SEMA5B: variants seen among roughly 807,000 people sequenced by gnomAD.
The protein encoded by SEMA5B is semaphorin 5B.
A neutral mutation model predicts 135.0 loss-of-function variants in SEMA5B; 66 were observed. That is an observed-to-expected ratio of 0.49 (90% CI 0.40 to 0.60). The LOEUF (loss-of-function observed/expected upper bound fraction) is 0.60, where lower values mean the gene tolerates loss of function less well. Ranked by LOEUF, SEMA5B falls within the 20% of genes least tolerant of loss-of-function variation. SEMA5B has a pLI of 0.00. For synonymous variants in SEMA5B, 690 were observed against 639.5 expected, an observed-to-expected ratio of 1.08 and a Z score of -1.19; for missense variants, 1,501 against 1,566.3, an observed-to-expected ratio of 0.96 and a Z score of 0.70.
At chr3:122,962,015 G>T (rs1317540264) in intron 1 of SEMA5B, among the ~76,000 whole-genome samples, 6 of 152,136 alleles carry the variant, frequency 3.9e-5, no homozygotes, top group Non-Finnish European at 8.8e-5. Context: ...CCACAGCTGG[G>T]CAAGGTTCTC....
intron 2 of SEMA5B, among the ~76,000 whole-genome samples, chr3:122,950,554 G>A (rs1940002797): frequency 6.6e-6 from 1 of 152,202 alleles, no homozygotes; most frequent in Non-Finnish European, 1.5e-5. Context: ...ACAATAATTT[G>A]ACAGAGTAAT....
At chr3:122,972,226 G>C (rs1406123654) in intron 1 of SEMA5B, among the ~76,000 whole-genome samples, 4 of 152,194 alleles carry the variant, frequency 2.6e-5, no homozygotes, top group African/African-American at 9.7e-5. Flanking sequence ...TCTAACACTG[G>C]TCTCCCCTGC....
intron 1 of SEMA5B, chr3:122,976,204 A>T: frequency 6.7e-7 from 1 of 1,485,156 alleles, no homozygotes; most frequent in African/African-American, 1.4e-5. Context: ...ATGTGCTCCT[A>T]GGACCAGCAG....
chr3:122,953,924 G>C (rs955276278), intron 2 of SEMA5B, among the ~76,000 whole-genome samples: 5 of 152,190 alleles, frequency 3.3e-5, no homozygotes, highest in South Asian at 4.1e-4. Context: ...TACCAGGATG[G>C]TCATGTGATC....
intron 8 of SEMA5B, among the ~76,000 whole-genome samples, chr3:122,927,165 A>T (rs569503145): frequency 6.6e-6 from 1 of 152,304 alleles, no homozygotes; most frequent in Non-Finnish European, 1.5e-5. Flanking sequence ...TAGGAAACTC[A>T]TATGGCCCTT....
At chr3:122,921,704 T>G (rs1195200636) in intron 12 of SEMA5B, among the ~76,000 whole-genome samples, 1 of 152,222 alleles carries the variant, frequency 6.6e-6, no homozygotes, top group African/African-American at 2.4e-5. Flanking sequence ...TGATAAGTGC[T>G]TTATGGAGAT....
Position 122,927,991 on chromosome 3 carries a change from T to C in SEMA5B, c.649A>G (p.Ser217Gly), listed in dbSNP as rs759578951. 2.7e-6 allele frequency: 4 copies of C among 1,475,868 alleles called. 1 individual carries two copies. The South Asian group carries it at 5.8e-5, about 22-fold the overall frequency. 91.4% of individuals were successfully genotyped at this position (1,475,868 alleles called of 1,614,324 possible). Residue 217 changes from serine to glycine, a missense_variant, in exon 8 of 23, where the codon AGC (serine) becomes GGC (glycine). Transcript: ENST00000357599. The part of the protein sequence containing the change: ...MCTSRQVGNL[S>G]RTIEKINGVA... ...CCATTGATCTTCTCAATAGTCCGGC[T>C]GAGGTTCCCCACCTGGGGACAATGG...
intron 1 of SEMA5B, among the ~76,000 whole-genome samples, chr3:122,984,117 T>C (rs1941621857): frequency 6.6e-6 from 1 of 152,248 alleles, no homozygotes; most frequent in Non-Finnish European, 1.5e-5. Context: ...CCCATAATTC[T>C]CCGAGTAACC....
At position 122,912,941 on chromosome 3, in the gene SEMA5B, C is replaced by T. The variant is rs1381194511; in HGVS notation, c.2627G>A (p.Arg876His). ...CTCCGGGTTAGTGCACGTTCTCTTG[C>T]GGACGCGGAAGCCCAGCTCGCAGTC... ...SRDCELGFRVRKRTCTNPEPR... is the reference protein window; with the variant it reads ...SRDCELGFRVHKRTCTNPEPR... Residue 876 changes from arginine (R) to histidine (H), a missense_variant, in exon 18 of 23, where the codon CGC (arginine) becomes CAC (histidine). By Grantham distance (29) the Arg-to-His change is conservative (BLOSUM62 0). This residue lies in a region of SEMA5B where 927 missense variants were observed against 881.6 expected (regional missense o/e 1.05). Coordinates refer to ENST00000357599, the MANE Select transcript of SEMA5B (RefSeq NM_001031702.4). 1.1e-5 allele frequency: 17 copies of T among 1,612,692 alleles called. No homozygotes were observed. Among genetic ancestry groups the T allele is most frequent in the Non-Finnish European group, 1.3e-5 (15 of 1,179,434 alleles).
At chr3:122,923,519 G>A in intron 10 of SEMA5B, 98 bp downstream of exon 10, 1 of 1,373,490 alleles carries the variant, frequency 7.3e-7, no homozygotes, top group Admixed American at 1.9e-5. Flanking sequence ...GACGGGTCTG[G>A]TGTCTGTCTG....
chr3:122,922,875 G>GCAAACCA (rs1553770981), intron 10 of SEMA5B, among the ~76,000 whole-genome samples: 1 of 151,922 alleles, frequency 6.6e-6, no homozygotes, highest in African/African-American at 2.4e-5. Context: ...AAAGCTGGAA[G>GCAAACCA]CCTTCTGAGC....
intron 1 of SEMA5B, among the ~76,000 whole-genome samples, chr3:123,018,486 G>A (rs942659743): frequency 6.6e-6 from 1 of 152,200 alleles, no homozygotes; most frequent in African/African-American, 2.4e-5. Flanking sequence ...CCTCCACGAA[G>A]CACACTTGAG....
chr3:122,979,613 G>A (rs1413719286), intron 1 of SEMA5B, among the ~76,000 whole-genome samples: 1 of 152,138 alleles, frequency 6.6e-6, no homozygotes, highest in Non-Finnish European at 1.5e-5. Flanking sequence ...ATTCACAATT[G>A]GGATGTCCCC....
intron 4 of SEMA5B, 134 bp from the exon 5 acceptor site, chr3:122,939,604 C>T (rs1303625620): frequency 3.0e-6 from 2 of 665,450 alleles, no homozygotes; most frequent in African/African-American, 3.6e-5. Context: ...CTAAGGAGAG[C>T]TTTACCTCCA....
At chr3:122,945,968 G>T (rs1474679913) in intron 3 of SEMA5B, among the ~76,000 whole-genome samples, 1 of 152,074 alleles carries the variant, frequency 6.6e-6, no homozygotes, top group Non-Finnish European at 1.5e-5. Flanking sequence ...TCCTAGGGGG[G>T]CCTTGGGAAG....
chr3:123,002,148 T>C (rs1345047630), intron 1 of SEMA5B, among the ~76,000 whole-genome samples: 1 of 152,082 alleles, frequency 6.6e-6, no homozygotes, highest in Non-Finnish European at 1.5e-5. Context: ...TGAAACCCAT[T>C]GGATCATGGG....
At chr3:122,942,282 T>C (rs1939594823) in intron 4 of SEMA5B, among the ~76,000 whole-genome samples, 1 of 152,110 alleles carries the variant, frequency 6.6e-6, no homozygotes, top group Non-Finnish European at 1.5e-5. Context: ...ACCCAGCTCA[T>C]CCACACCTAA....
At chr3:122,917,952 T>C (rs546589923) in intron 12 of SEMA5B, among the ~76,000 whole-genome samples, 6 of 152,124 alleles carry the variant, frequency 3.9e-5, no homozygotes, top group African/African-American at 2.4e-5. Context: ...CTCTGCTTAC[T>C]GGCTGACATT....
At chr3:122,952,335 C>T (rs1158750174) in intron 2 of SEMA5B, among the ~76,000 whole-genome samples, 1 of 152,154 alleles carries the variant, frequency 6.6e-6, no homozygotes, top group Non-Finnish European at 1.5e-5. Flanking sequence ...ACCCCTGGCC[C>T]CTCAAACAAG....
Sources: gnomAD v4.1 joint callset for allele counts (sites outside exome capture counted in the v4.1 genomes callset) on GRCh38, gnomAD v4.1.1 for gene constraint, gnomAD v4.1.1 regional missense constraint, MANE v1.5 for transcripts, NCBI Gene and HGNC (gene_info 2026-07-23, HGNC 2026-07-21) for gene names.